The following BCL2L12 variants were observed in gnomAD, a reference collection of about 807,000 sequenced individuals.
BCL2L12 encodes the protein bcl-2-like protein 12.
A neutral mutation model predicts 25.7 loss-of-function variants in BCL2L12; 27 were observed. The observed-to-expected ratio is 1.05, with a 90% CI of 0.78 to 1.45. The LOEUF is 1.45. BCL2L12 is among the 40% of genes most tolerant of loss of function. The probability of loss-of-function intolerance (pLI) is 0.00; values close to 1 mark genes in which losing one functional copy is unlikely to be tolerated. For synonymous variants in BCL2L12, 132 were observed against 145.6 expected (o/e 0.91, Z 0.67); for missense variants, 302 against 329.8 (o/e 0.92, Z 0.65).
chr19:49,666,101 AGGGAAGAGGAG>A, intron 1 of BCL2L12, 34 bp downstream of exon 1: 4 of 1,519,094 alleles, frequency 2.6e-6, no homozygotes, highest in Non-Finnish European at 3.6e-6. Context: ...TGGGGTGAGG[AGGGAAGAGGAG>A]GGGGCCGGGA....
intron 6 of BCL2L12, among the ~76,000 whole-genome samples, chr19:49,673,092 T>C (rs1047383703): frequency 6.6e-6 from 1 of 152,142 alleles, no homozygotes; most frequent in African/African-American, 2.4e-5. Context: ...TCTCGAACTC[T>C]TGGCCTCAAG....
intron 5 of BCL2L12, among the ~76,000 whole-genome samples, chr19:49,669,662 C>G (rs1210819488): frequency 6.6e-6 from 1 of 151,004 alleles, no homozygotes; most frequent in Non-Finnish European, 1.5e-5. Context: ...GTGTGGCCAT[C>G]AGAAACATTA....
rs573632216 is a variant in BCL2L12 at position 49,668,781 on chromosome 19, G to A, written c.251-70G>A. 45 of 1,436,866 alleles carry A rather than the reference G, an allele frequency of 3.1e-5. No individual in the cohort carries two copies. The South Asian group carries it at 4.1e-4, about 13-fold the overall frequency. The allele number at this position is 1,436,866 out of a possible 1,614,324, so 89.0% of individuals were successfully genotyped here. On this transcript the variant is annotated intron_variant, in intron 3 of 6. Transcript: ENST00000246784. The stretch of plus-strand genomic sequence containing the variant: ...GGAATCATTGCCACCTGCCAAGGTA[G>A]TTGGGGGAAGGAGAGAATCCGTAAG...
At chr19:49,665,618 T>C, upstream of BCL2L12, 1 of 619,440 alleles carries the variant, frequency 1.6e-6, no homozygotes, top group South Asian at 2.1e-5. Context: ...TCTCCCGGGC[T>C]CTTCCGCGTT....
chr19:49,670,386 G>A lies in BCL2L12; in HGVS notation c.600G>A (p.Met200Ile), dbSNP rs1489686921. 8 of 1,568,538 alleles carry A rather than the reference G, an allele frequency of 5.1e-6. No homozygotes were observed. The highest frequency in any genetic ancestry group is 6.9e-6 in the Non-Finnish European group (8 of 1,160,288). Residue 200 changes from methionine (M) to isoleucine (I), a missense_variant, in exon 6 of 7, where the codon ATG (methionine) becomes ATA (isoleucine). Met to Ile is a conservative substitution (Grantham distance 10). Coordinates refer to ENST00000246784, the MANE Select transcript of BCL2L12 (RefSeq NM_138639.2). The stretch of plus-strand genomic sequence containing the variant: ...CCCTGGCCCGCCTGGCCCTAGCCAT[G>A]GAGCTGAGCCGGCGCGTGGCCGGGC... ...PEPLARLALA[M>I]ELSRRVAGLG...
chr19:49,671,160 TCAA>T (rs1568479411), intron 6 of BCL2L12, among the ~76,000 whole-genome samples: 1 of 127,596 alleles, frequency 7.8e-6, no homozygotes, highest in Non-Finnish European at 1.6e-5. Context: ...AGACTGTGTC[TCAA>T]CAAAATAATA....
At chr19:49,667,194 G>C (rs375155951) in intron 3 of BCL2L12, 33 bp downstream of exon 3, 4 of 1,603,980 alleles carry the variant, frequency 2.5e-6, no homozygotes, top group Non-Finnish European at 3.4e-6. Flanking sequence ...TATGAAGCCG[G>C]CAGAACACGG....
Position 49,666,814 on chromosome 19 carries a change from C to T in BCL2L12, c.107+15C>T, listed in dbSNP as rs2081792369. On this transcript the variant is annotated intron_variant, in intron 2 of 6. Coordinates refer to ENST00000246784, the MANE Select transcript of BCL2L12 (RefSeq NM_138639.2). ...ACTCCACCTAGGTAAGAGGAGTGGCCCTTCTCCCCCAGGGGCCAGCATTTG... is the reference window on the plus strand; with the variant it reads ...ACTCCACCTAGGTAAGAGGAGTGGCTCTTCTCCCCCAGGGGCCAGCATTTG... The T allele has an allele frequency of 1.3e-6, 2 of 1,550,410 alleles. No homozygotes were observed. Among genetic ancestry groups the T allele is most frequent in the African/African-American group, 2.7e-5 (2 of 73,172 alleles).
intron 6 of BCL2L12, 68 bp downstream of exon 6, chr19:49,670,556 G>A: frequency 6.6e-7 from 1 of 1,505,724 alleles, no homozygotes; most frequent in Admixed American, 2.5e-5. Context: ...AGGAGGGGCG[G>A]GGACTTCTTA....
Position 49,668,939 on chromosome 19 carries a change from TGAGGCACA to T in BCL2L12, c.337+7_337+14del, listed in dbSNP as rs2081889635. On this transcript the variant is annotated splice_donor_5th_base_variant and intron_variant, in intron 4 of 6. Coordinates refer to ENST00000246784, the MANE Select transcript of BCL2L12 (RefSeq NM_138639.2). ...AGCTGAAATCTCCGCCCAGCCCAGG[TGAGGCACA>T]GAGGAGCCCCAGAGAAGGATGGCGG... 2.5e-6 allele frequency: 4 copies of T among 1,613,918 alleles called. No individual in the cohort carries two copies. In the East Asian group the frequency reaches 8.9e-5, roughly 36 times the overall value.
chr19:49,666,991 G>A (rs748363216), intron 2 of BCL2L12, 28 bp from the exon 3 acceptor site: 1 of 1,609,314 alleles, frequency 6.2e-7, no homozygotes, highest in East Asian at 2.2e-5. Flanking sequence ...TCTCTGGTGG[G>A]GTCAGTCTCT....
chr19:49,665,999 A>C lies in BCL2L12; in HGVS notation c.-77A>C. Reference sequence around the variant, plus strand: ...AGGCGCGGGAAAGTTGAACTAATAAAGTTTGTACGAGTTCAGTGGAGGAGA... The same window carrying C: ...AGGCGCGGGAAAGTTGAACTAATAACGTTTGTACGAGTTCAGTGGAGGAGA... On this transcript the variant is annotated 5_prime_UTR_variant, in exon 1 of 7. Coordinates refer to ENST00000246784, the MANE Select transcript of BCL2L12 (RefSeq NM_138639.2). 6.3e-7 allele frequency: 1 copy of C among 1,598,004 alleles called. No individual in the cohort carries two copies. The highest frequency in any genetic ancestry group is 8.5e-7 in the Non-Finnish European group (1 of 1,171,282).
rs1383625141 is a variant in BCL2L12, at chr19:49,672,159, G to A, written c.703-1539G>A. 2.0e-5 allele frequency: 3 copies of A among 152,414 alleles called. No individual in the cohort carries two copies. The highest frequency in any genetic ancestry group is 4.1e-4 in the South Asian group (2 of 4,842). The allele number at this position is 152,414 out of a possible 1,614,324, so 9.4% of individuals were successfully genotyped here. On this transcript the variant is annotated intron_variant, in intron 6 of 6. Coordinates refer to ENST00000246784, the MANE Select transcript of BCL2L12 (RefSeq NM_138639.2). The surrounding 1 kb of genome is among the most constrained non-coding windows in gnomAD (Gnocchi z 4.1). ...CAGCGTGCTGGCCCTGTGGCTTGGC[G>A]ACTGTCGCAGTCTCCCTGAGCGGCA...
In BCL2L12 at chr19:49,666,671, CCT is replaced by C; in HGVS notation, c.-8-6_-8-5del. The C allele has an allele frequency of 6.5e-7, 1 of 1,545,218 alleles. No individual in the cohort carries two copies. The highest frequency in any genetic ancestry group is 8.8e-7 in the Non-Finnish European group (1 of 1,142,632). ...AAACCCTTGGAGTCCAGTCCCTAAC[CCT>C]CTCTCTCACAGGTGCCTCCATGGCA... On this transcript the variant is annotated splice_polypyrimidine_tract_variant and intron_variant, in intron 1 of 6. Transcript: ENST00000246784.
chr19:49,669,121 G>A lies in BCL2L12; in HGVS notation c.429+6G>A. 1 of 1,613,492 alleles carries A rather than the reference G, an allele frequency of 6.2e-7. No individual in the cohort carries two copies. The highest frequency in any genetic ancestry group is 8.5e-7 in the Non-Finnish European group (1 of 1,179,788). On this transcript the variant is annotated splice_donor_region_variant and intron_variant, in intron 5 of 6. Coordinates refer to ENST00000246784, the MANE Select transcript of BCL2L12 (RefSeq NM_138639.2). Reference sequence around the variant, plus strand: ...CAGAAGTCATTAACCAGAAGGTGATGGGCATCTGTCCCACTCCTTGGCAAG... The same window carrying A: ...CAGAAGTCATTAACCAGAAGGTGATAGGCATCTGTCCCACTCCTTGGCAAG...
chr19:49,671,101 G>T (rs1214500090), intron 6 of BCL2L12, among the ~76,000 whole-genome samples: 5 of 152,122 alleles, frequency 3.3e-5, no homozygotes, highest in Non-Finnish European at 4.4e-5. Flanking sequence ...GGCAGAGATT[G>T]CAGTGAGCTG....
chr19:49,665,626 G>C (rs921958033), upstream of BCL2L12: 1 of 656,082 alleles, frequency 1.5e-6, no homozygotes, highest in Non-Finnish European at 2.5e-6. Context: ...GCTCTTCCGC[G>C]TTACCTACGA....
chr19:49,668,636 A>G (rs536062195), intron 3 of BCL2L12, among the ~76,000 whole-genome samples: 17 of 152,172 alleles, frequency 1.1e-4, no homozygotes, highest in African/African-American at 3.9e-4. Context: ...CTAAAATACA[A>G]AAAATTAGCC....
Position 49,673,878 on chromosome 19 carries a change from A to G in BCL2L12, c.*130A>G, listed in dbSNP as rs2082009492. ...CCCTACCTGTTTTTGCCAAAAATAA[A>G]TTGTTTAAAACTTTTCTTATTAAAA... On this transcript the variant is annotated 3_prime_UTR_variant, in exon 7 of 7. Transcript: ENST00000246784. 2 of 1,019,994 alleles carry G rather than the reference A, an allele frequency of 2.0e-6. No homozygotes were observed. The highest frequency in any genetic ancestry group is 2.9e-6 in the Non-Finnish European group (2 of 694,612). 63.2% of individuals were successfully genotyped at this position (1,019,994 alleles called of 1,614,324 possible).
Sources: allele counts gnomAD v4.1 joint callset (sites outside exome capture counted in the v4.1 genomes callset), GRCh38; gene constraint gnomAD v4.1.1; non-coding constraint Gnocchi (gnomAD v3.1); transcripts MANE v1.5; gene names NCBI Gene and HGNC (gene_info 2026-07-23, HGNC 2026-07-21).